Variants in TMC2 observed in about 807,000 individuals in gnomAD.
TMC2 encodes the protein transmembrane channel-like protein 2.
In TMC2, 102 loss-of-function variants were observed where a neutral mutation model predicts 105.9. The observed-to-expected ratio is 0.96, with a 90% confidence interval of 0.82 to 1.14. The LOEUF (loss-of-function observed/expected upper bound fraction) is 1.14. TMC2 is among the 50% of genes most tolerant of loss of function. The pLI, the probability that TMC2 is intolerant of heterozygous loss-of-function variation, is 0.00. For synonymous variants in TMC2, 402 were observed against 422.8 expected, an observed-to-expected ratio of 0.95 and a Z score of 0.60; for missense variants, 1,093 against 1,134.3, an observed-to-expected ratio of 0.96 and a Z score of 0.52.
intron 7 of TMC2, among the ~76,000 whole-genome samples, chr20:2,581,308 T>C (rs1320472727): frequency 6.6e-6 from 1 of 152,210 alleles, no homozygotes; most frequent in African/African-American, 2.4e-5. Context: ...TTCTTTTCTA[T>C]ATTACTCAAA....
intron 2 of TMC2, among the ~76,000 whole-genome samples, chr20:2,552,020 A>G (rs2085959688): frequency 6.6e-6 from 1 of 152,154 alleles, no homozygotes; most frequent in Admixed American, 6.6e-5. Context: ...GCACTTTGTG[A>G]AGCCAAACTG....
intron 5 of TMC2, among the ~76,000 whole-genome samples, chr20:2,573,599 T>C (rs1432779623): frequency 5.4e-5 from 8 of 148,308 alleles, no homozygotes; most frequent in Admixed American, 3.4e-4. Context: ...CTCACTCTGT[T>C]GCCCAAGCTG....
At chr20:2,570,684 A>G (rs905735618) in intron 4 of TMC2, among the ~76,000 whole-genome samples, 3 of 152,202 alleles carry the variant, frequency 2.0e-5, no homozygotes, top group Admixed American at 2.0e-4. Context: ...ATGAGCCCAA[A>G]CAGCCAAAGC....
intron 16 of TMC2, among the ~76,000 whole-genome samples, chr20:2,619,691 C>G (rs1461382052): frequency 6.6e-6 from 1 of 152,138 alleles, no homozygotes; most frequent in African/African-American, 2.4e-5. Context: ...AAGGAATGTG[C>G]TGAAGTGCAG....
At chr20:2,591,351 A>C (rs8118205) in intron 7 of TMC2, among the ~76,000 whole-genome samples, 1,854 of 152,304 alleles carry the variant, frequency 0.012, 51 homozygotes, top group African/African-American at 0.042. Context: ...AACTAAAAGA[A>C]AATATATAAA....
chr20:2,540,667 A>AAG (rs1204345144), intron 2 of TMC2, among the ~76,000 whole-genome samples: 3 of 151,556 alleles, frequency 2.0e-5, no homozygotes, highest in African/African-American at 7.3e-5. Flanking sequence ...AAAAAAAAAA[A>AAG]AAAAAAGACA....
chr20:2,581,091 TACTG>T (rs1188417279), intron 7 of TMC2, among the ~76,000 whole-genome samples: 6 of 152,244 alleles, frequency 3.9e-5, no homozygotes, highest in Admixed American at 1.3e-4. Flanking sequence ...TTTGATGACT[TACTG>T]ACTCCTATTT....
At chr20:2,538,068 C>T (rs1457928749) in intron 2 of TMC2, among the ~76,000 whole-genome samples, 2 of 151,366 alleles carry the variant, frequency 1.3e-5, no homozygotes, top group African/African-American at 2.5e-5. Flanking sequence ...GGGCCCTTTC[C>T]ACTCCCTCCT....
chr20:2,601,676 A>G lies in TMC2; in HGVS notation c.1225-437A>G, dbSNP rs150011729. 8.0e-4 allele frequency among the ~76,000 whole-genome samples: 122 copies of G among 152,238 alleles called. 2 individuals carry two copies. Among genetic ancestry groups the G allele is most frequent in the African/African-American group, 2.7e-3 (112 of 41,540 alleles). On this transcript the variant is annotated intron_variant, in intron 10 of 19. Transcript: ENST00000358864. ...ACCAACATGGAGAAACCCCATCTCT[A>G]CTAAAGATATAAAATTAGCCAGGCG...
At chr20:2,625,995 C>G (rs2086561858) in intron 17 of TMC2, among the ~76,000 whole-genome samples, 1 of 152,066 alleles carries the variant, frequency 6.6e-6, no homozygotes, top group South Asian at 2.1e-4. Context: ...TTGTTTTCCT[C>G]TTGTTTATCC....
intron 5 of TMC2, among the ~76,000 whole-genome samples, chr20:2,575,328 T>A (rs6037012): frequency 0.032 from 4,799 of 152,274 alleles, 249 homozygotes; most frequent in African/African-American, 0.11. Flanking sequence ...GTGTGCATAT[T>A]TTAACTTTAA....
intron 7 of TMC2, among the ~76,000 whole-genome samples, chr20:2,584,357 T>C (rs1359154986): frequency 7.5e-6 from 1 of 134,220 alleles, no homozygotes; most frequent in Admixed American, 7.4e-5. Context: ...GGCAGGAGAA[T>C]GGCGTGAACC....
chr20:2,580,008 T>C lies in TMC2; in HGVS notation c.786T>C (p.Val262=). ...YFIFLRWMYG[V]NLVLFGLIFG... Reference sequence around the variant, plus strand: ...TCTTTCTCCGATGGATGTATGGAGTTAACCTTGTCCTTTTTGGCTTAATAT... The same window carrying C: ...TCTTTCTCCGATGGATGTATGGAGTCAACCTTGTCCTTTTTGGCTTAATAT... Residue 262 remains valine (V), a synonymous_variant, in exon 7 of 20, where the codon GTT becomes GTC. Transcript: ENST00000358864. The C allele has an allele frequency of 6.2e-7, 1 of 1,614,084 alleles. No individual in the cohort carries two copies. The highest frequency in any genetic ancestry group is 8.5e-7 in the Non-Finnish European group (1 of 1,179,966).
At chr20:2,606,406 C>T (rs531934700) in intron 11 of TMC2, among the ~76,000 whole-genome samples, 146 of 152,154 alleles carry the variant, frequency 9.6e-4, no homozygotes, top group African/African-American at 2.5e-3. Flanking sequence ...ATTACAGGCA[C>T]GCATCACCAT....
At chr20:2,564,692 G>C (rs2086052200) in intron 4 of TMC2, among the ~76,000 whole-genome samples, 1 of 152,218 alleles carries the variant, frequency 6.6e-6, no homozygotes, top group South Asian at 2.1e-4. Context: ...TCAGCTGCCA[G>C]AGGAGAAATC....
At chr20:2,615,251 G>A (rs2086471293) in intron 14 of TMC2, among the ~76,000 whole-genome samples, 1 of 152,176 alleles carries the variant, frequency 6.6e-6, no homozygotes, top group Non-Finnish European at 1.5e-5. Flanking sequence ...GAACCAGGAG[G>A]CAGAGGTTGC....
intron 11 of TMC2, 65 bp downstream of exon 11, chr20:2,602,366 C>T (rs1027799517): frequency 8.2e-7 from 1 of 1,212,598 alleles, no homozygotes. Context: ...GGTTCCTATG[C>T]CATTCATTTC....
chr20:2,610,037 C>T (rs1385721529), intron 11 of TMC2, among the ~76,000 whole-genome samples: 6 of 152,002 alleles, frequency 3.9e-5, no homozygotes, highest in East Asian at 1.9e-4. Flanking sequence ...TTAGTAGAGA[C>T]GGGGTTTCAC....
At chr20:2,582,635 C>T (rs2086202052) in intron 7 of TMC2, among the ~76,000 whole-genome samples, 1 of 151,998 alleles carries the variant, frequency 6.6e-6, no homozygotes, top group African/African-American at 2.4e-5. Flanking sequence ...ACCACCAGAC[C>T]CGGCTAGTTT....
Sources: allele counts gnomAD v4.1 joint callset (sites outside exome capture counted in the v4.1 genomes callset), GRCh38; gene constraint gnomAD v4.1.1; transcripts MANE v1.5; gene names NCBI Gene and HGNC (gene_info 2026-07-23, HGNC 2026-07-21).